The following MLLT3 variants were observed in gnomAD, a reference collection of about 807,000 sequenced individuals.
MLLT3 encodes the protein MLLT3 super elongation complex subunit, also known as protein AF-9.
In MLLT3, 4 loss-of-function variants were observed where a neutral mutation model predicts 53.2. That is an observed-to-expected ratio of 0.08 (90% CI 0.04 to 0.17). The LOEUF is 0.17. Ranked by LOEUF, MLLT3 falls within the 10% of genes least tolerant of loss-of-function variation. The pLI is 1.00. For missense variants in MLLT3, 569 were observed against 684.0 expected, an observed-to-expected ratio of 0.83 and a Z score of 1.87; for synonymous variants, 283 against 230.6, an observed-to-expected ratio of 1.23 and a Z score of -2.06.
intron 5 of MLLT3, among the ~76,000 whole-genome samples, chr9:20,397,057 C>A (rs1310527131): frequency 6.6e-6 from 1 of 152,114 alleles, no homozygotes; most frequent in African/African-American, 2.4e-5. Flanking sequence ...TCTGAAAAAT[C>A]TTTCTTAGAT....
intron 2 of MLLT3, among the ~76,000 whole-genome samples, chr9:20,566,433 G>A (rs935195539): frequency 1.3e-5 from 2 of 152,026 alleles, no homozygotes; most frequent in African/African-American, 2.4e-5. Context: ...CAAACAATAC[G>A]TAGGCATATT....
intron 5 of MLLT3, among the ~76,000 whole-genome samples, chr9:20,371,404 T>G (rs1821597725): frequency 6.6e-6 from 1 of 152,168 alleles, no homozygotes; most frequent in Non-Finnish European, 1.5e-5. Context: ...GGCTTCAAAG[T>G]TTCAAAGGAT....
intron 4 of MLLT3, among the ~76,000 whole-genome samples, chr9:20,423,466 C>T (rs2118798179): frequency 6.6e-6 from 1 of 152,188 alleles, no homozygotes; most frequent in East Asian, 1.9e-4. Context: ...CCCCCTGGCC[C>T]CCCATATCCA....
intron 2 of MLLT3, among the ~76,000 whole-genome samples, chr9:20,558,661 T>A (rs965284966): frequency 6.6e-6 from 1 of 152,134 alleles, no homozygotes. Flanking sequence ...CAGTCTGGGG[T>A]AGAGATCAAG....
chr9:20,601,845 C>T (rs995792099), intron 2 of MLLT3, among the ~76,000 whole-genome samples: 4 of 152,202 alleles, frequency 2.6e-5, no homozygotes, highest in Admixed American at 2.6e-4. Context: ...TGTCAAATCA[C>T]AGCTATTTTG....
intron 3 of MLLT3, among the ~76,000 whole-genome samples, chr9:20,453,120 A>C (rs1269507460): frequency 6.6e-6 from 1 of 152,248 alleles, no homozygotes; most frequent in Non-Finnish European, 1.5e-5. Context: ...AGACATCCTA[A>C]GAAAACAAAA....
chr9:20,368,088 T>C (rs901315428), intron 5 of MLLT3, among the ~76,000 whole-genome samples: 2 of 152,234 alleles, frequency 1.3e-5, no homozygotes, highest in Admixed American at 1.3e-4. Flanking sequence ...TAACATTTAC[T>C]TGAGTACTGT....
chr9:20,399,250 T>A (rs1163809640), intron 5 of MLLT3, among the ~76,000 whole-genome samples: 3 of 152,142 alleles, frequency 2.0e-5, no homozygotes, highest in African/African-American at 4.8e-5. Flanking sequence ...ACAGACATAT[T>A]TATAGTTAAG....
chr9:20,473,664 C>G (rs1026288060), intron 2 of MLLT3, among the ~76,000 whole-genome samples: 1 of 151,876 alleles, frequency 6.6e-6, no homozygotes, highest in Non-Finnish European at 1.5e-5. Flanking sequence ...CAAACATTTC[C>G]CATAAGAACT....
chr9:20,387,607 G>C (rs1471427154), intron 5 of MLLT3, among the ~76,000 whole-genome samples: 2 of 152,184 alleles, frequency 1.3e-5, no homozygotes, highest in Non-Finnish European at 2.9e-5. Flanking sequence ...AAGTTTCTCA[G>C]AGTTACTGTG....
At chr9:20,474,837 A>G (rs965464362) in intron 2 of MLLT3, among the ~76,000 whole-genome samples, 2 of 152,110 alleles carry the variant, frequency 1.3e-5, no homozygotes, top group Admixed American at 1.3e-4. Flanking sequence ...TAATATATCT[A>G]TTCCAAATCT....
intron 2 of MLLT3, among the ~76,000 whole-genome samples, chr9:20,554,789 G>A (rs1819012954): frequency 6.6e-6 from 1 of 152,018 alleles, no homozygotes. Flanking sequence ...CTGGCTTTTT[G>A]CTTTTGTTCT....
intron 8 of MLLT3, among the ~76,000 whole-genome samples, chr9:20,358,253 G>A (rs1226079016): frequency 6.6e-6 from 1 of 152,084 alleles, no homozygotes; most frequent in African/African-American, 2.4e-5. Flanking sequence ...TGTCCTCTCG[G>A]CTCCAAGACA....
Position 20,345,233 on chromosome 9 carries a change from C to G in MLLT3, c.*1210G>C, listed in dbSNP as rs1015324499. The G allele has an allele frequency of 6.7e-5, 15 of 222,716 alleles. No individual in the cohort carries two copies. Among genetic ancestry groups the G allele is most frequent in the African/African-American group, 3.1e-4 (14 of 44,860 alleles). The allele number at this position is 222,716 out of a possible 1,614,324, so 13.8% of individuals were successfully genotyped here. A position where few individuals can be genotyped will look rare whatever the true frequency, so the allele number is the denominator to read the frequency against. On this transcript the variant is annotated 3_prime_UTR_variant, in exon 11 of 11. Transcript: ENST00000380338. ...AGCAAGCAACTAAACAGGTATTGAA[C>G]CACTGAATCTACAAGTTAATACATA...
At chr9:20,349,413 T>C (rs1820955528) in intron 10 of MLLT3, among the ~76,000 whole-genome samples, 1 of 152,144 alleles carries the variant, frequency 6.6e-6, no homozygotes, top group Admixed American at 6.5e-5. Context: ...AAACTGCACA[T>C]GAATTATAGA....
intron 2 of MLLT3, among the ~76,000 whole-genome samples, chr9:20,538,975 G>C (rs539118063): frequency 6.6e-5 from 10 of 152,244 alleles, no homozygotes; most frequent in African/African-American, 2.4e-4. Flanking sequence ...ATGCTTTATT[G>C]CTTTAAAAAA....
intron 2 of MLLT3, among the ~76,000 whole-genome samples, chr9:20,608,602 G>A (rs1444406007): frequency 6.6e-6 from 1 of 151,798 alleles, no homozygotes; most frequent in African/African-American, 2.4e-5. Context: ...ATGAAACATT[G>A]TGCAAATACT....
intron 5 of MLLT3, among the ~76,000 whole-genome samples, chr9:20,404,651 T>C (rs1339825315): frequency 6.6e-6 from 1 of 152,138 alleles, no homozygotes; most frequent in Non-Finnish European, 1.5e-5. Context: ...AGTACAGGCG[T>C]GCACTACCAC....
chr9:20,424,798 G>A (rs1246446151), intron 4 of MLLT3, among the ~76,000 whole-genome samples: 7 of 152,130 alleles, frequency 4.6e-5, no homozygotes, highest in Non-Finnish European at 7.4e-5. Flanking sequence ...TTTCTTGTCA[G>A]TAAAATGAGG....
Sources: gnomAD v4.1 joint callset for allele counts (sites outside exome capture counted in the v4.1 genomes callset) on GRCh38, gnomAD v4.1.1 for gene constraint, MANE v1.5 for transcripts, NCBI Gene and HGNC (gene_info 2026-07-23, HGNC 2026-07-21) for gene names.